Variants in ANOS1 observed in about 807,000 individuals in gnomAD.
ANOS1 encodes anosmin 1.
Under a neutral mutation model 59.0 loss-of-function variants are expected in ANOS1, and 6 were observed. That is an observed-to-expected ratio of 0.10 (90% confidence interval 0.06 to 0.20). ANOS1 has a LOEUF of 0.20. ANOS1 is among the 10% of genes least tolerant of loss of function. The pLI, the probability that ANOS1 is intolerant of heterozygous loss-of-function variation, is 1.00. For synonymous variants in ANOS1, 217 were observed against 223.4 expected (o/e 0.97, Z 0.25); for missense variants, 433 against 542.3 (o/e 0.80, Z 2.00).
chrX:8,568,313 C>T lies in ANOS1; in HGVS notation c.1126G>A (p.Ala376Thr), dbSNP rs1483606984. 8.3e-7 allele frequency: 1 copy of T among 1,206,669 alleles called. No individual in the cohort carries two copies. Among genetic ancestry groups the T allele is most frequent in the African/African-American group, 1.8e-5 (1 of 56,999 alleles). ...CGTGTCTGTCCCCAGTACGTTATGG[C>T]TTGCAATTCCACAACATAGTCACAG... is the stretch of plus-strand genomic sequence containing the variant. ...PDCDYVVELQAITYWGQTRLK... is the reference protein window; with the variant it reads ...PDCDYVVELQTITYWGQTRLK... The change falls in exon 8 of 14, where the codon GCC becomes ACC. Residue 376 changes from alanine (A) to threonine (T), a missense_variant. Transcript: ENST00000262648.
intron 2 of ANOS1, among the ~76,000 whole-genome samples, chrX:8,640,628 CTTG>C (rs367787724): frequency 3.7e-3 from 390 of 104,995 alleles, no homozygotes; most frequent in African/African-American, 0.013. Flanking sequence ...GGTCGCATTT[CTTG>C]TTTTTTTTTT....
intron 1 of ANOS1, among the ~76,000 whole-genome samples, chrX:8,700,915 A>G (rs965581742): frequency 8.9e-6 from 1 of 111,866 alleles, no homozygotes; most frequent in African/African-American, 3.3e-5. Context: ...AGGCTAAGGC[A>G]GGAGAATTGC....
chrX:8,667,885 G>A (rs753248766), intron 2 of ANOS1, among the ~76,000 whole-genome samples: 4 of 111,026 alleles, frequency 3.6e-5, no homozygotes, highest in Non-Finnish European at 7.5e-5. Flanking sequence ...AGAGCCAGAT[G>A]GACTGGATTA....
intron 8 of ANOS1, among the ~76,000 whole-genome samples, chrX:8,560,132 A>G (rs1343141331): frequency 9.0e-6 from 1 of 111,539 alleles, no homozygotes; most frequent in African/African-American, 3.3e-5. Flanking sequence ...AGGGCAATAA[A>G]CCTAATATTT....
intron 6 of ANOS1, among the ~76,000 whole-genome samples, chrX:8,570,948 C>A (rs1392213423): frequency 9.1e-6 from 1 of 109,316 alleles, no homozygotes; most frequent in Non-Finnish European, 1.9e-5. Context: ...CCTGTCTCTA[C>A]AAAATTTAAA....
In ANOS1 at chrX:8,532,729, A is replaced by T; in HGVS notation, c.*266T>A. 3.3e-6 allele frequency: 1 copy of T among 301,685 alleles called. No individual in the cohort carries two copies. Among genetic ancestry groups the T allele is most frequent in the Non-Finnish European group, 5.9e-6 (1 of 169,916 alleles). 24.9% of individuals were successfully genotyped at this position (301,685 alleles called of 1,213,427 possible). On this transcript the variant is annotated 3_prime_UTR_variant, in exon 14 of 14. Transcript: ENST00000262648. The stretch of plus-strand genomic sequence containing the variant: ...TCAATAGAAATGAGCGACACCATAC[A>T]TGAAAACAAAATTTAGCATTAAACA...
intron 2 of ANOS1, among the ~76,000 whole-genome samples, chrX:8,644,809 A>G (rs966172289): frequency 2.7e-5 from 3 of 112,819 alleles, no homozygotes; most frequent in Non-Finnish European, 3.7e-5. Flanking sequence ...ATCGCCAATC[A>G]GGAAATCTTT....
rs202229567 is a variant in ANOS1 at position 8,668,394 on chromosome X, CATATAT to C, written c.255+31298_255+31303del. ...TTTTTATGGCTGAATAGTATTCCAT[CATATAT>C]ATATATATATATATATATATATATA... On this transcript the variant is annotated intron_variant, in intron 2 of 13. Transcript: ENST00000262648. Among the ~76,000 whole-genome samples the C allele has an allele frequency of 6.5e-3, 336 of 51,551 alleles. 4 individuals are homozygous for C. Among genetic ancestry groups the C allele is most frequent in the East Asian group, 0.021 (42 of 2,027 alleles). 44.8% of individuals were successfully genotyped at this position (51,551 alleles called of 115,157 possible). A position where few individuals can be genotyped will look rare whatever the true frequency, so the allele number is the denominator to read the frequency against.
intron 1 of ANOS1, among the ~76,000 whole-genome samples, chrX:8,713,249 C>G (rs189532795): frequency 9.1e-6 from 1 of 110,025 alleles, no homozygotes; most frequent in Admixed American, 9.8e-5. Context: ...AAAGGGCTGC[C>G]CAGAAGAATG....
chrX:8,624,630 G>A (rs189470043), intron 2 of ANOS1, among the ~76,000 whole-genome samples: 2 of 111,235 alleles, frequency 1.8e-5, no homozygotes, highest in East Asian at 5.6e-4. Flanking sequence ...AAACATACAT[G>A]CATATAACTT....
chrX:8,594,660 A>ATATATATATATATATATATATATGTG, intron 4 of ANOS1, among the ~76,000 whole-genome samples: 1 of 14,366 alleles, frequency 7.0e-5, no homozygotes, highest in East Asian at 1.9e-3. Context: ...ATATATGTGT[A>ATATATATATATATATATATATATGTG]TATATATATA....
chrX:8,707,753 T>G (rs1172078335), intron 1 of ANOS1, among the ~76,000 whole-genome samples: 1 of 112,033 alleles, frequency 8.9e-6, no homozygotes, highest in Non-Finnish European at 1.9e-5. Flanking sequence ...CTTGAGCATC[T>G]TCAGATGTAG....
intron 2 of ANOS1, among the ~76,000 whole-genome samples, chrX:8,684,565 T>A (rs920357226): frequency 4.5e-5 from 5 of 110,799 alleles, no homozygotes; most frequent in African/African-American, 1.6e-4. Flanking sequence ...GGGAGGGTTA[T>A]CCTTAGTGCA....
chrX:8,594,378 G>T (rs900330300), intron 4 of ANOS1, among the ~76,000 whole-genome samples: 1 of 108,046 alleles, frequency 9.3e-6, no homozygotes, highest in Non-Finnish European at 1.9e-5. Context: ...CAAGGGATGG[G>T]TTAGAACGGA....
intron 13 of ANOS1, 93 bp downstream of exon 13, chrX:8,534,226 T>G (rs1274286857): frequency 6.7e-6 from 6 of 899,727 alleles, no homozygotes; most frequent in Non-Finnish European, 9.7e-6. Flanking sequence ...AAACCTGTAC[T>G]AGTGTATTTA....
At chrX:8,567,902 C>T (rs1421225394) in intron 8 of ANOS1, among the ~76,000 whole-genome samples, 1 of 112,208 alleles carries the variant, frequency 8.9e-6, no homozygotes, top group African/African-American at 3.2e-5. Flanking sequence ...TACGTAATCT[C>T]CTGAAAAACA....
intron 2 of ANOS1, among the ~76,000 whole-genome samples, chrX:8,675,318 A>G (rs944088279): frequency 9.8e-5 from 11 of 111,959 alleles, no homozygotes; most frequent in Non-Finnish European, 2.1e-4. Context: ...TAATACATAA[A>G]CTGATCATAT....
chrX:8,672,118 T>A (rs1319325567), intron 2 of ANOS1, among the ~76,000 whole-genome samples: 6 of 110,827 alleles, frequency 5.4e-5, no homozygotes, highest in Non-Finnish European at 1.1e-4. Flanking sequence ...CTGGAAGAAA[T>A]CACAGTAGTA....
intron 1 of ANOS1, among the ~76,000 whole-genome samples, chrX:8,712,434 G>A (rs1351584145): frequency 8.9e-6 from 1 of 112,336 alleles, no homozygotes; most frequent in African/African-American, 3.2e-5. Flanking sequence ...GGAGTTAGAG[G>A]TGCATTATTC....
Sources: gnomAD v4.1 joint callset for allele counts (sites outside exome capture counted in the v4.1 genomes callset) on GRCh38, gnomAD v4.1.1 for gene constraint, MANE v1.5 for transcripts, NCBI Gene and HGNC (gene_info 2026-07-23, HGNC 2026-07-21) for gene names.